Variants in UHMK1 observed in about 807,000 individuals in gnomAD.
UHMK1 encodes the protein U2AF homology motif kinase 1.
In UHMK1, 18 loss-of-function variants were observed where a neutral mutation model predicts 44.0. That is an observed-to-expected ratio of 0.41 (90% CI 0.28 to 0.61). The LOEUF (loss-of-function observed/expected upper bound fraction) is 0.61. Among genes scored for constraint, UHMK1 ranks in the 20% least tolerant of loss-of-function variants. UHMK1 has a pLI of 0.31. For missense variants in UHMK1, 463 were observed against 522.5 expected, an observed-to-expected ratio of 0.89 and a Z score of 1.11; for synonymous variants, 231 against 198.5, an observed-to-expected ratio of 1.16 and a Z score of -1.38.
rs1455116322 is a variant in UHMK1 at position 162,498,142 on chromosome 1, T to C, written c.142T>C (p.Ser48Pro). The change falls in exon 1 of 8, where the codon TCG (serine) becomes CCG (proline). Residue 48 changes from serine to proline, a missense_variant. By Grantham distance (74) the Ser-to-Pro change is moderately conservative. This residue lies in a region of UHMK1 where 191 missense variants were observed against 176.0 expected (regional missense o/e 1.09). Coordinates refer to ENST00000489294, the MANE Select transcript of UHMK1 (RefSeq NM_175866.5). Reference sequence around the variant, plus strand: ...GGTTCGCTGCTGCGGCAACCCTGGCTCGCCCCCCGGCGCCCTCAAGCAGTT... The same window carrying C: ...GGTTCGCTGCTGCGGCAACCCTGGCCCGCCCCCCGGCGCCCTCAAGCAGTT... Reference protein sequence around the residue: ...YRVRCCGNPGSPPGALKQFLP... With the variant: ...YRVRCCGNPGPPPGALKQFLP... 1 of 1,612,748 alleles carries C rather than the reference T, an allele frequency of 6.2e-7. No homozygotes were observed. Among genetic ancestry groups the C allele is most frequent in the Non-Finnish European group, 8.5e-7 (1 of 1,179,664 alleles).
chr1:162,501,720 A>C (rs945631926), intron 3 of UHMK1, among the ~76,000 whole-genome samples: 3 of 152,172 alleles, frequency 2.0e-5, no homozygotes, highest in Non-Finnish European at 2.9e-5. Context: ...TTAAGTTCTA[A>C]AGTGTTACTA....
chr1:162,498,881 A>G (rs1488359177), intron 1 of UHMK1, among the ~76,000 whole-genome samples: 1 of 152,252 alleles, frequency 6.6e-6, no homozygotes, highest in Non-Finnish European at 1.5e-5. Context: ...TACACGACAG[A>G]AAGCTTATCA....
At chr1:162,519,972 C>G (rs1651994596) in intron 7 of UHMK1, among the ~76,000 whole-genome samples, 1 of 152,182 alleles carries the variant, frequency 6.6e-6, no homozygotes, top group South Asian at 2.1e-4. Flanking sequence ...AGTCTCAGCT[C>G]TCTGCAACCT....
rs1652110268 is a variant in UHMK1 at position 162,522,871 on chromosome 1, A to C, written c.*321A>C. 1 of 200,324 alleles carries C rather than the reference A, an allele frequency of 5.0e-6. No homozygotes were observed. The highest frequency in any genetic ancestry group is 1.0e-5 in the Non-Finnish European group (1 of 97,818). 12.4% of individuals were successfully genotyped at this position (200,324 alleles called of 1,614,324 possible). A position where few individuals can be genotyped will look rare whatever the true frequency, so the allele number is the denominator to read the frequency against. On this transcript the variant is annotated 3_prime_UTR_variant, in exon 8 of 8. Coordinates refer to ENST00000489294, the MANE Select transcript of UHMK1 (RefSeq NM_175866.5). ...TTTCATGGATCATGAAGCAAGGATG[A>C]ATAATATCATGTCTTGGTAAATACT...
Position 162,497,918 on chromosome 1 carries a change from C to T in UHMK1, c.-83C>T. 2.1e-6 allele frequency: 3 copies of T among 1,433,936 alleles called. No homozygotes were observed. Among genetic ancestry groups the T allele is most frequent in the Non-Finnish European group, 2.7e-6 (3 of 1,098,664 alleles). The allele number at this position is 1,433,936 out of a possible 1,614,324, so 88.8% of individuals were successfully genotyped here. A position where few individuals can be genotyped will look rare whatever the true frequency, so the allele number is the denominator to read the frequency against. ...CCTCCCTGCGGAGCCGCTGGTCCGG[C>T]TGGCGGAGATGTGACCGCGGGCCCG... On this transcript the variant is annotated 5_prime_UTR_variant, in exon 1 of 8. Coordinates refer to ENST00000489294, the MANE Select transcript of UHMK1 (RefSeq NM_175866.5).
In UHMK1 at chr1:162,522,808, G is replaced by T; in HGVS notation, c.*258G>T. The T allele has an allele frequency of 3.0e-6, 1 of 336,656 alleles. No individual in the cohort carries two copies. The allele number at this position is 336,656 out of a possible 1,614,324, so 20.9% of individuals were successfully genotyped here. ...CCCTTTTTTGTGCGGGAGAGCAGGT[G>T]TTGCTCTTCAGTATGTAGCCTAAAA... is the stretch of plus-strand genomic sequence containing the variant. On this transcript the variant is annotated 3_prime_UTR_variant, in exon 8 of 8. Coordinates refer to ENST00000489294, the MANE Select transcript of UHMK1 (RefSeq NM_175866.5).
chr1:162,519,640 G>A (rs898635940), intron 7 of UHMK1, among the ~76,000 whole-genome samples: 1 of 152,138 alleles, frequency 6.6e-6, no homozygotes, highest in African/African-American at 2.4e-5. Context: ...ATATGACAAA[G>A]AATGTAAGAA....
intron 6 of UHMK1, among the ~76,000 whole-genome samples, chr1:162,517,254 G>A (rs565231640): frequency 3.3e-5 from 5 of 152,084 alleles, no homozygotes; most frequent in East Asian, 3.9e-4. Flanking sequence ...AGCCGAGATC[G>A]TGCCACTACA....
rs759624754 is a variant in UHMK1 at position 162,500,153 on chromosome 1, A to G, written c.467A>G (p.His156Arg). ...LAFLHHEGYV[H>R]ADLKPRNILW... ...TTTCTTCATCATGAGGGCTATGTCC[A>G]TGCGGACCTCAAACCACGTAACATA... is the stretch of plus-strand genomic sequence containing the variant. Residue 156 changes from histidine to arginine, a missense_variant, in exon 2 of 8, where the codon CAT (histidine) becomes CGT (arginine). This residue lies in a region of UHMK1 where 264 missense variants were observed against 326.3 expected (regional missense o/e 0.81). Coordinates refer to ENST00000489294, the MANE Select transcript of UHMK1 (RefSeq NM_175866.5). The G allele has an allele frequency of 3.7e-6, 6 of 1,614,248 alleles. No individual in the cohort carries two copies. The highest frequency in any genetic ancestry group is 5.1e-6 in the Non-Finnish European group (6 of 1,180,048).
intron 4 of UHMK1, among the ~76,000 whole-genome samples, chr1:162,507,932 A>C (rs973774615): frequency 1.3e-5 from 2 of 152,042 alleles, no homozygotes; most frequent in Middle Eastern, 3.4e-3. Context: ...ACTCTTTAAG[A>C]CATTATTTGT....
rs746635813 is a variant in UHMK1, at chr1:162,512,678, T to G, written c.926-47T>G. 1.9e-6 allele frequency: 3 copies of G among 1,609,166 alleles called. No individual in the cohort carries two copies. The East Asian group carries it at 6.7e-5, about 36-fold the overall frequency. The stretch of plus-strand genomic sequence containing the variant: ...AAGTTCCTTTATCTGGTGTTCAACT[T>G]ATTTGGGGGGATTTACATTTAACCA... On this transcript the variant is annotated intron_variant, in intron 5 of 7. Coordinates refer to ENST00000489294, the MANE Select transcript of UHMK1 (RefSeq NM_175866.5).
Position 162,498,269 on chromosome 1 carries a change from G to A in UHMK1, c.268+1G>A. 6.3e-7 allele frequency: 1 copy of A among 1,580,616 alleles called. No homozygotes were observed. The highest frequency in any genetic ancestry group is 8.6e-7 in the Non-Finnish European group (1 of 1,159,284). On this transcript the variant is annotated splice_donor_variant, in intron 1 of 7. Coordinates refer to ENST00000489294, the MANE Select transcript of UHMK1 (RefSeq NM_175866.5). LOFTEE classifies it high-confidence loss of function. ...CAGTTGCAGGGTCACAGAAACATCG[G>A]TAATTGCCGCTGTCTCCTTTCTCTT...
intron 7 of UHMK1, 90 bp from the exon 8 acceptor site, chr1:162,522,314 C>T: frequency 7.1e-7 from 1 of 1,411,320 alleles, no homozygotes; most frequent in Non-Finnish European, 9.7e-7. Flanking sequence ...ATAACATCTC[C>T]AGTTGATGTA....
intron 4 of UHMK1, among the ~76,000 whole-genome samples, chr1:162,504,900 GA>G (rs1557941121): frequency 6.6e-6 from 1 of 152,032 alleles, no homozygotes; most frequent in Non-Finnish European, 1.5e-5. Flanking sequence ...TCAGCCTCTT[GA>G]GTAGCTGGAA....
At position 162,498,023 on chromosome 1, in the gene UHMK1, G is replaced by A. The variant is rs1436076931; in HGVS notation, c.23G>A (p.Trp8Ter). ...CCGATGGCGGGATCCGGCTGCGCCT[G>A]GGGCGCGGAGCCGCCGCGTTTTCTG... MAGSGCA[W>*]GAEPPRFLEA... Residue 8 changes from tryptophan (W) to a stop codon, truncating the protein, a stop_gained, in exon 1 of 8, where the codon TGG becomes TAG. Transcript: ENST00000489294. LOFTEE classifies it high-confidence loss of function. The A allele has an allele frequency of 6.3e-7, 1 of 1,595,146 alleles. No individual in the cohort carries two copies. Among genetic ancestry groups the A allele is most frequent in the Non-Finnish European group, 8.6e-7 (1 of 1,169,246 alleles).
chr1:162,525,935 T>C lies in UHMK1; in HGVS notation c.*3385T>C, dbSNP rs903716969. ...TTAAAAGAAAATCTCCAAATACTTA[T>C]TTAACTTGTCTTCTAGATTCATGTT... On this transcript the variant is annotated 3_prime_UTR_variant, in exon 8 of 8. Coordinates refer to ENST00000489294, the MANE Select transcript of UHMK1 (RefSeq NM_175866.5). The C allele has an allele frequency of 2.6e-5, 4 of 152,246 alleles. No individual in the cohort carries two copies. The highest frequency in any genetic ancestry group is 2.1e-4 in the South Asian group (1 of 4,836). 9.4% of individuals were successfully genotyped at this position (152,246 alleles called of 1,614,324 possible). A position where few individuals can be genotyped will look rare whatever the true frequency, so the allele number is the denominator to read the frequency against.
intron 4 of UHMK1, among the ~76,000 whole-genome samples, chr1:162,506,886 G>A (rs970909325): frequency 1.3e-5 from 2 of 151,842 alleles, no homozygotes; most frequent in Non-Finnish European, 2.9e-5. Context: ...AGAGTCACTT[G>A]GTCTTCTTGT....
At chr1:162,499,878 T>A in intron 1 of UHMK1, 77 bp from the exon 2 acceptor site, 1 of 1,379,950 alleles carries the variant, frequency 7.2e-7, no homozygotes, top group Non-Finnish European at 1.0e-6. Context: ...CTATCTCAAA[T>A]TTGTACTGCA....
chr1:162,508,465 A>G (rs550515882), intron 4 of UHMK1, among the ~76,000 whole-genome samples: 1 of 150,042 alleles, frequency 6.7e-6, no homozygotes, highest in Admixed American at 6.7e-5. Flanking sequence ...GCACTTTGGG[A>G]GGTTGAGGTG....
Sources: gnomAD v4.1 joint callset for allele counts (sites outside exome capture counted in the v4.1 genomes callset) on GRCh38, gnomAD v4.1.1 for gene constraint, gnomAD v4.1.1 regional missense constraint, MANE v1.5 for transcripts, NCBI Gene and HGNC (gene_info 2026-07-23, HGNC 2026-07-21) for gene names.